The following CHLSN variants were observed in gnomAD, a reference collection of about 807,000 sequenced individuals.
CHLSN encodes cholesin, also known as protein cholesin.
chr7:1,079,941 C>T, the CHLSN span, among the ~76,000 whole-genome samples: 44 of 152,246 alleles, frequency 2.9e-4, no homozygotes, highest in Non-Finnish European at 3.5e-4. Context: ...CCCCAGGCCC[C>T]GAACCTGACC....
the CHLSN span, among the ~76,000 whole-genome samples, chr7:1,014,081 C>G: frequency 6.6e-6 from 1 of 152,200 alleles, no homozygotes; most frequent in Non-Finnish European, 1.5e-5. Flanking sequence ...CAGGCTACCT[C>G]AAGCAACGCG....
the CHLSN span, among the ~76,000 whole-genome samples, chr7:1,086,106 G>A: frequency 6.6e-6 from 1 of 152,182 alleles, no homozygotes; most frequent in South Asian, 2.1e-4. Context: ...TCGGCCACTC[G>A]CCCGCCCAGG....
chr7:1,137,646 AC>A, the CHLSN span: 6 of 152,030 alleles, frequency 3.9e-5, no homozygotes, highest in African/African-American at 1.2e-4. Flanking sequence ...TCTACAAAAA[AC>A]ATTTTTAAAA....
the CHLSN span, among the ~76,000 whole-genome samples, chr7:1,135,875 ATATATG>A: frequency 2.2e-5 from 3 of 135,830 alleles, no homozygotes; most frequent in African/African-American, 8.3e-5. Context: ...ATATAAAAAT[ATATATG>A]AATATATAAA....
chr7:1,016,485 ACACAGCAGCG>A, the CHLSN span, among the ~76,000 whole-genome samples: 21 of 134,754 alleles, frequency 1.6e-4, 1 homozygote, highest in African/African-American at 5.8e-4. Flanking sequence ...GCACAGCAGC[ACACAGCAGCG>A]CACAGCAGCA....
At chr7:1,010,330 A>T in the CHLSN span, among the ~76,000 whole-genome samples, 1 of 152,222 alleles carries the variant, frequency 6.6e-6, no homozygotes, top group Non-Finnish European at 1.5e-5. Context: ...CAGACAGGTC[A>T]CATGAGGATG....
At chr7:1,057,848 G>A in the CHLSN span, 1 of 777,642 alleles carries the variant, frequency 1.3e-6, no homozygotes, top group Non-Finnish European at 2.4e-6. Flanking sequence ...CCTTCAATGT[G>A]TCCTCACTGG....
chr7:1,088,672 C>T, the CHLSN span, among the ~76,000 whole-genome samples: 1 of 152,340 alleles, frequency 6.6e-6, no homozygotes, highest in South Asian at 2.1e-4. This position sits in a 1 kb window ranked among gnomAD's most constrained non-coding sequence, Gnocchi z 4.5. Flanking sequence ...CAGTCACTCT[C>T]ACCAACCCTG....
the CHLSN span, among the ~76,000 whole-genome samples, chr7:1,086,516 G>A: frequency 2.0e-5 from 3 of 152,320 alleles, no homozygotes; most frequent in South Asian, 6.2e-4. Context: ...ACAGCATTCT[G>A]TTTAGGAAAT....
the CHLSN span, among the ~76,000 whole-genome samples, chr7:1,022,054 A>G: frequency 1.9e-4 from 29 of 152,300 alleles, no homozygotes; most frequent in South Asian, 4.1e-4. Flanking sequence ...CGGACAGGCC[A>G]TGTCCTGGAG....
chr7:1,130,962 C>T, the CHLSN span, among the ~76,000 whole-genome samples: 1 of 152,282 alleles, frequency 6.6e-6, no homozygotes, highest in South Asian at 2.1e-4. Context: ...CTGAGGTGGG[C>T]AGACTGCTTG....
chr7:1,096,086 C>T, the CHLSN span, among the ~76,000 whole-genome samples: 122 of 152,354 alleles, frequency 8.0e-4, no homozygotes, highest in Non-Finnish European at 1.2e-3. This position sits in a 1 kb window ranked among gnomAD's most constrained non-coding sequence, Gnocchi z 4.6. Flanking sequence ...CTGACTGTGG[C>T]GTCCTTCCCT....
the CHLSN span, chr7:1,058,438 A>G: frequency 1.3e-6 from 1 of 780,714 alleles, no homozygotes; most frequent in South Asian, 1.3e-5. Context: ...AGCAAGCTCC[A>G]ACGGCTGATG....
the CHLSN span, among the ~76,000 whole-genome samples, chr7:1,115,010 C>G: frequency 1.3e-5 from 2 of 152,216 alleles, no homozygotes; most frequent in Non-Finnish European, 2.9e-5. Context: ...CTGTGGGGGT[C>G]CTGTTTCGCC....
chr7:1,039,235 TG>T, the CHLSN span, among the ~76,000 whole-genome samples: 2 of 24,388 alleles, frequency 8.2e-5, no homozygotes, highest in East Asian at 8.6e-4. Context: ...GGGAGGGAGG[TG>T]GGGGGGGTCA....
chr7:989,131 C>G, the CHLSN span: 2 of 392,088 alleles, frequency 5.1e-6, no homozygotes, highest in Non-Finnish European at 4.6e-6. Context: ...CTAGCTCCCC[C>G]CAGGGCCCCC....
the CHLSN span, chr7:1,009,983 G>C: frequency 2.5e-6 from 4 of 1,583,554 alleles, no homozygotes; most frequent in Admixed American, 3.5e-5. Context: ...TTCGGCCCCC[G>C]AGCGCCTGGC....
chr7:1,012,705 G>A, the CHLSN span, among the ~76,000 whole-genome samples: 18 of 152,244 alleles, frequency 1.2e-4, no homozygotes, highest in Non-Finnish European at 4.4e-5. Context: ...TGCTTTCTGT[G>A]CTGGGCCTCA....
chr7:1,070,615 C>T, the CHLSN span, among the ~76,000 whole-genome samples: 4 of 147,038 alleles, frequency 2.7e-5, no homozygotes, highest in Non-Finnish European at 6.0e-5. Flanking sequence ...CACATGCATG[C>T]ACACACGCAC....
Sources: allele counts gnomAD v4.1 joint callset (sites outside exome capture counted in the v4.1 genomes callset), GRCh38; gene constraint gnomAD v4.1.1; non-coding constraint Gnocchi (gnomAD v3.1); transcripts MANE v1.5; gene names NCBI Gene and HGNC (gene_info 2026-07-23, HGNC 2026-07-21).